ZFAND3: variants seen among roughly 807,000 people sequenced by gnomAD.
ZFAND3 encodes the protein AN1-type zinc finger protein 3.
A neutral mutation model predicts 29.6 loss-of-function variants in ZFAND3; 10 were observed. The observed-to-expected ratio is 0.34, with a 90% CI of 0.21 to 0.57. ZFAND3 has a LOEUF of 0.57. Ranked by LOEUF, ZFAND3 falls within the 20% of genes least tolerant of loss-of-function variation. The pLI is 0.86. For synonymous variants in ZFAND3, 128 were observed against 112.6 expected, an observed-to-expected ratio of 1.14 and a Z score of -0.87; for missense variants, 230 against 304.5, an observed-to-expected ratio of 0.76 and a Z score of 1.82.
intron 1 of ZFAND3, among the ~76,000 whole-genome samples, chr6:37,918,679 G>A (rs981970894): frequency 6.6e-6 from 1 of 152,082 alleles, no homozygotes; most frequent in African/African-American, 2.4e-5. Context: ...AGTGGATGAA[G>A]CAAAAATATT....
chr6:37,868,798 A>G (rs1764636648), intron 1 of ZFAND3, among the ~76,000 whole-genome samples: 1 of 152,328 alleles, frequency 6.6e-6, no homozygotes, highest in South Asian at 2.1e-4. Flanking sequence ...AGATTTTTGC[A>G]TACGTGCTCA....
chr6:38,136,103 C>G, intron 5 of ZFAND3, among the ~76,000 whole-genome samples: 1 of 152,110 alleles, frequency 6.6e-6, no homozygotes, highest in East Asian at 1.9e-4. Context: ...TGGCATTGAC[C>G]TGAGAGAGGT....
chr6:38,057,979 G>C (rs1046399907), intron 2 of ZFAND3, among the ~76,000 whole-genome samples: 7 of 152,146 alleles, frequency 4.6e-5, no homozygotes, highest in Admixed American at 4.6e-4. Flanking sequence ...CATAGAAGGA[G>C]TATGGGTTAA....
chr6:37,873,179 G>A (rs750229869), intron 1 of ZFAND3, among the ~76,000 whole-genome samples: 2 of 152,226 alleles, frequency 1.3e-5, no homozygotes, highest in Non-Finnish European at 2.9e-5. Context: ...GCTGAGGCAG[G>A]AGAATGGTGT....
chr6:38,073,253 C>T (rs1328720523), intron 3 of ZFAND3, among the ~76,000 whole-genome samples: 3 of 150,826 alleles, frequency 2.0e-5, no homozygotes, highest in African/African-American at 7.3e-5. Context: ...ATTTCCCTTT[C>T]TAAGGAAAGT....
chr6:38,144,273 G>A (rs1340317928), intron 5 of ZFAND3, among the ~76,000 whole-genome samples: 2 of 144,402 alleles, frequency 1.4e-5, no homozygotes, highest in Non-Finnish European at 3.0e-5. Context: ...AAGGAAGATG[G>A]GTCGGGGATA....
intron 1 of ZFAND3, among the ~76,000 whole-genome samples, chr6:37,834,005 A>G (rs1172619581): frequency 6.6e-6 from 1 of 152,084 alleles, no homozygotes; most frequent in African/African-American, 2.4e-5. Context: ...ATGAACCTAC[A>G]GTGACACATC....
At chr6:37,967,085 G>A (rs1172532540) in intron 2 of ZFAND3, among the ~76,000 whole-genome samples, 1 of 152,204 alleles carries the variant, frequency 6.6e-6, no homozygotes, top group Non-Finnish European at 1.5e-5. Context: ...TCATTAGGGT[G>A]ATATCTGCTG....
chr6:37,976,074 A>G (rs1254351523), intron 2 of ZFAND3, among the ~76,000 whole-genome samples: 1 of 152,128 alleles, frequency 6.6e-6, no homozygotes, highest in Admixed American at 6.5e-5. Flanking sequence ...TTTGTTGTAT[A>G]GGTCTTTCAC....
intron 2 of ZFAND3, among the ~76,000 whole-genome samples, chr6:37,980,908 A>C (rs1762567747): frequency 6.6e-6 from 1 of 152,220 alleles, no homozygotes; most frequent in Non-Finnish European, 1.5e-5. Flanking sequence ...ATTGTAGGGT[A>C]AGCAGTACCT....
intron 2 of ZFAND3, among the ~76,000 whole-genome samples, chr6:37,932,825 T>C (rs1761623701): frequency 6.6e-6 from 1 of 152,246 alleles, no homozygotes; most frequent in African/African-American, 2.4e-5. Flanking sequence ...CATTTTTGCT[T>C]TTATAAAAAT....
chr6:38,010,617 C>T (rs1160270424), intron 2 of ZFAND3, among the ~76,000 whole-genome samples: 5 of 145,736 alleles, frequency 3.4e-5, no homozygotes, highest in Non-Finnish European at 7.5e-5. Context: ...TTTTTTTTTC[C>T]GAGACAGGAT....
At chr6:38,104,617 G>C (rs928518911) in intron 4 of ZFAND3, among the ~76,000 whole-genome samples, 1 of 152,182 alleles carries the variant, frequency 6.6e-6, no homozygotes, top group Non-Finnish European at 1.5e-5. Flanking sequence ...TATGACTACA[G>C]TCCACAGAAA....
At chr6:37,853,701 C>T (rs1026541588) in intron 1 of ZFAND3, among the ~76,000 whole-genome samples, 6 of 152,028 alleles carry the variant, frequency 3.9e-5, no homozygotes, top group African/African-American at 1.4e-4. Context: ...GTTTGCAAGC[C>T]TTTGCTCATG....
intron 5 of ZFAND3, among the ~76,000 whole-genome samples, chr6:38,151,623 A>G (rs9470800): frequency 0.63 from 95,969 of 151,878 alleles, 31,089 homozygotes; most frequent in African/African-American, 0.75. Context: ...GAAGTGTCAG[A>G]TTCCTTGGAG....
At chr6:37,862,068 T>C (rs558851814) in intron 1 of ZFAND3, among the ~76,000 whole-genome samples, 1 of 152,182 alleles carries the variant, frequency 6.6e-6, no homozygotes, top group Non-Finnish European at 1.5e-5. Flanking sequence ...GGAAATAGCC[T>C]AAGAAAATTT....
At chr6:38,018,040 C>T (rs1763282401) in intron 2 of ZFAND3, among the ~76,000 whole-genome samples, 1 of 152,160 alleles carries the variant, frequency 6.6e-6, no homozygotes, top group Non-Finnish European at 1.5e-5. Context: ...ACTAAAATGA[C>T]ATTATACTAT....
chr6:38,103,474 TATATAC>T (rs1485095794), intron 4 of ZFAND3, among the ~76,000 whole-genome samples: 1 of 27,176 alleles, frequency 3.7e-5, no homozygotes, highest in Non-Finnish European at 1.1e-4. Context: ...CACGTGTATA[TATATAC>T]ACACATATAT....
intron 5 of ZFAND3, among the ~76,000 whole-genome samples, chr6:38,127,744 C>T (rs1196558457): frequency 1.3e-5 from 2 of 151,506 alleles, no homozygotes; most frequent in African/African-American, 4.9e-5. Flanking sequence ...AAAGGTAGTC[C>T]CTCACCTCAG....
Sources: allele counts gnomAD v4.1 joint callset (sites outside exome capture counted in the v4.1 genomes callset), GRCh38; gene constraint gnomAD v4.1.1; transcripts MANE v1.5; gene names NCBI Gene and HGNC (gene_info 2026-07-23, HGNC 2026-07-21).